The following KCNQ3 variants were observed in gnomAD, a reference collection of about 807,000 sequenced individuals.
The protein encoded by KCNQ3 is potassium voltage-gated channel subfamily KQT member 3.
In KCNQ3, 30 loss-of-function variants were observed where a neutral mutation model predicts 92.5. The observed-to-expected ratio is 0.32, with a 90% CI of 0.24 to 0.44. KCNQ3 has a LOEUF of 0.44. Among genes scored for constraint, KCNQ3 ranks in the 20% least tolerant of loss-of-function variants. The probability of loss-of-function intolerance (pLI) is 1.00; values close to 1 mark genes in which losing one functional copy is unlikely to be tolerated. For missense variants in KCNQ3, 913 were observed against 1,140.3 expected (o/e 0.80, Z 2.87); for synonymous variants, 450 against 468.8 (o/e 0.96, Z 0.52).
chr8:132,170,541 T>G (rs930410371), intron 7 of KCNQ3, 113 bp from the exon 8 acceptor site: 3 of 729,548 alleles, frequency 4.1e-6, no homozygotes, highest in Non-Finnish European at 7.3e-6. Context: ...AATTTGAATG[T>G]GCATTGAGCC....
chr8:132,184,514 G>A (rs1336460914), intron 2 of KCNQ3, 147 bp from the exon 3 acceptor site: 9 of 763,530 alleles, frequency 1.2e-5, no homozygotes, highest in African/African-American at 1.7e-5. Flanking sequence ...ATGGGGGTGG[G>A]GAAGGGGAAC....
intron 1 of KCNQ3, among the ~76,000 whole-genome samples, chr8:132,385,293 T>C (rs1163502143): frequency 6.6e-6 from 1 of 152,244 alleles, no homozygotes; most frequent in African/African-American, 2.4e-5. Flanking sequence ...CCTTCTACAG[T>C]TGCCAATGTC....
At chr8:132,392,754 T>A (rs1820082393) in intron 1 of KCNQ3, among the ~76,000 whole-genome samples, 1 of 123,254 alleles carries the variant, frequency 8.1e-6, no homozygotes. Context: ...ATTGTGCCAC[T>A]GCACTCCAGC....
At chr8:132,199,528 T>G (rs1429174761) in intron 1 of KCNQ3, among the ~76,000 whole-genome samples, 1 of 152,252 alleles carries the variant, frequency 6.6e-6, no homozygotes, top group African/African-American at 2.4e-5. Context: ...AAGTAGGTTT[T>G]TATTGATTCC....
chr8:132,186,213 C>A lies in KCNQ3; in HGVS notation c.387-32G>T, dbSNP rs551735715. 21 of 1,515,716 alleles carry A rather than the reference C, an allele frequency of 1.4e-5. No homozygotes were observed. In the East Asian group the frequency reaches 1.6e-4, roughly 11 times the overall value. 93.9% of individuals were successfully genotyped at this position (1,515,716 alleles called of 1,614,324 possible). A position where few individuals can be genotyped will look rare whatever the true frequency, so the allele number is the denominator to read the frequency against. On this transcript the variant is annotated intron_variant, in intron 1 of 14. Transcript: ENST00000388996. ...GGGAAGAAAGAAATGGACTAAGGAA[C>A]CTTTGAGTCATGGCTTGCTTTGAGG...
In KCNQ3 at chr8:132,141,190, A is replaced by C. The variant is rs754462752; in HGVS notation, c.1404T>G (p.Asn468Lys). 4.3e-6 allele frequency: 7 copies of C among 1,614,162 alleles called. No individual in the cohort carries two copies. In the Admixed American group the frequency reaches 1.2e-4, roughly 27 times the overall value. The part of the protein sequence containing the change: ...SKEPKPVGLN[N>K]KERFRTAFRM... ...GGAAGGCCGTGCGGAAACGCTCTTT[A>C]TTGTTTAAGCCAACAGGCTTTGGTT... is the stretch of plus-strand genomic sequence containing the variant. The change falls in exon 10 of 15, where the codon AAT becomes AAG. Residue 468 changes from asparagine (N) to lysine (K), a missense_variant. Physicochemically the swap from Asn to Lys is moderately conservative, Grantham distance 94 (BLOSUM62 0). Around this residue, in one of 6 missense-constraint regions of KCNQ3, gnomAD observed 182 missense variants for 234.5 expected, o/e 0.78. Transcript: ENST00000388996.
At chr8:132,169,421 C>T (rs549029367) in intron 8 of KCNQ3, among the ~76,000 whole-genome samples, 1 of 152,294 alleles carries the variant, frequency 6.6e-6, no homozygotes, top group East Asian at 1.9e-4. Flanking sequence ...TTTTGCCTTC[C>T]CTTTTCCATA....
chr8:132,335,329 G>A lies in KCNQ3; in HGVS notation c.386+144818C>T, dbSNP rs143084375. ...GCTGGGATTACAGGTGTGAGTCACC[G>A]CGCCCAGCCCATCTTAGACATTTTT... On this transcript the variant is annotated intron_variant, in intron 1 of 14. Transcript: ENST00000388996. 5.7e-3 allele frequency among the ~76,000 whole-genome samples: 867 copies of A among 152,164 alleles called. 9 individuals carry two copies. Among genetic ancestry groups the A allele is most frequent in the African/African-American group, 0.019 (808 of 41,500 alleles).
intron 1 of KCNQ3, among the ~76,000 whole-genome samples, chr8:132,395,298 G>C (rs1290283857): frequency 2.0e-5 from 3 of 152,106 alleles, no homozygotes; most frequent in African/African-American, 7.2e-5. Flanking sequence ...CTAGCAATTT[G>C]AAATTACATC....
rs542527656 is a variant in KCNQ3 at position 132,175,371 on chromosome 8, A to T, written c.933+82T>A. 33 of 1,484,736 alleles carry T rather than the reference A, an allele frequency of 2.2e-5. No individual in the cohort carries two copies. The East Asian group carries it at 5.0e-4, about 22-fold the overall frequency. The allele number at this position is 1,484,736 out of a possible 1,614,324, so 92.0% of individuals were successfully genotyped here. On this transcript the variant is annotated intron_variant, in intron 5 of 14. Coordinates refer to ENST00000388996, the MANE Select transcript of KCNQ3 (RefSeq NM_004519.4). Reference sequence around the variant, plus strand: ...CTGCAGAATGCAGCTGCCTGGCTGAACATGCTCATGTGATGCCCTCCACCT... The same window carrying T: ...CTGCAGAATGCAGCTGCCTGGCTGATCATGCTCATGTGATGCCCTCCACCT...
intron 8 of KCNQ3, among the ~76,000 whole-genome samples, chr8:132,164,746 G>T (rs1456313481): frequency 2.0e-5 from 3 of 152,106 alleles, no homozygotes; most frequent in Non-Finnish European, 4.4e-5. Context: ...GGAAGAGAAG[G>T]CATGGTAGGG....
rs1354815927 is a variant in KCNQ3, at chr8:132,127,068, T to A, written c.*2194A>T. 6.6e-6 allele frequency: 1 copy of A among 152,138 alleles called. No individual in the cohort carries two copies. The highest frequency in any genetic ancestry group is 1.5e-5 in the Non-Finnish European group (1 of 68,036). 9.4% of individuals were successfully genotyped at this position (152,138 alleles called of 1,614,324 possible). ...TGAAAGATTCCAGGAAGATCAGGATTCAATAATCAAGCCCTCAGGAAGGGG... is the reference window on the plus strand; with the variant it reads ...TGAAAGATTCCAGGAAGATCAGGATACAATAATCAAGCCCTCAGGAAGGGG... On this transcript the variant is annotated 3_prime_UTR_variant, in exon 15 of 15. Coordinates refer to ENST00000388996, the MANE Select transcript of KCNQ3 (RefSeq NM_004519.4).
chr8:132,198,370 G>T (rs1467557270), intron 1 of KCNQ3, among the ~76,000 whole-genome samples: 1 of 152,204 alleles, frequency 6.6e-6, no homozygotes, highest in Non-Finnish European at 1.5e-5. Context: ...AATGTGTGTT[G>T]TGTTTAGCTA....
At position 132,289,480 on chromosome 8, in the gene KCNQ3, G is replaced by A. The variant is rs537943948; in HGVS notation, c.387-103299C>T. Among the ~76,000 whole-genome samples, 10 of 152,226 alleles carry A rather than the reference G, an allele frequency of 6.6e-5. 1 individual carries two copies. The South Asian group carries it at 2.1e-3, about 32-fold the overall frequency. On this transcript the variant is annotated intron_variant, in intron 1 of 14. Coordinates refer to ENST00000388996, the MANE Select transcript of KCNQ3 (RefSeq NM_004519.4). ...GGTAGCTGCTGGCATTCTTTGGTTT[G>A]TGGTTGTATCATTCCAAACTCTGCA... is the stretch of plus-strand genomic sequence containing the variant.
chr8:132,370,072 T>C (rs1819431864), intron 1 of KCNQ3, among the ~76,000 whole-genome samples: 1 of 152,144 alleles, frequency 6.6e-6, no homozygotes, highest in Non-Finnish European at 1.5e-5. Flanking sequence ...ACTCTTATAT[T>C]GTGACTCTCA....
At chr8:132,269,436 T>G (rs540381753) in intron 1 of KCNQ3, among the ~76,000 whole-genome samples, 15 of 152,370 alleles carry the variant, frequency 9.8e-5, no homozygotes, top group Middle Eastern at 3.4e-3. Flanking sequence ...CATCTGGATC[T>G]CTGGTTGTTT....
chr8:132,180,118 G>A (rs761677069), intron 4 of KCNQ3, 39 bp downstream of exon 4: 2 of 1,610,134 alleles, frequency 1.2e-6, no homozygotes, highest in East Asian at 4.5e-5. Context: ...AGGTGGGTGG[G>A]AAGCCCATGT....
At chr8:132,177,353 G>C (rs951917768) in intron 4 of KCNQ3, among the ~76,000 whole-genome samples, 2 of 152,148 alleles carry the variant, frequency 1.3e-5, no homozygotes, top group Non-Finnish European at 2.9e-5. Context: ...ACCTGTGACT[G>C]TTCCCCAACA....
chr8:132,293,688 G>C (rs1816923597), intron 1 of KCNQ3, among the ~76,000 whole-genome samples: 1 of 152,180 alleles, frequency 6.6e-6, no homozygotes, highest in Non-Finnish European at 1.5e-5. Context: ...GAGATGCAGG[G>C]GATGAGAGGG....
Sources: gnomAD v4.1 joint callset for allele counts (sites outside exome capture counted in the v4.1 genomes callset) on GRCh38, gnomAD v4.1.1 for gene constraint, gnomAD v4.1.1 regional missense constraint, MANE v1.5 for transcripts, NCBI Gene and HGNC (gene_info 2026-07-23, HGNC 2026-07-21) for gene names.